Variants in SPINK14 observed in about 807,000 individuals in gnomAD.
SPINK14 encodes the protein serine peptidase inhibitor Kazal type 14 (putative), also known as serine protease inhibitor Kazal-type 14.
SPINK14 carries 6 observed loss-of-function variants against 14.2 expected under a neutral mutation model. That is an observed-to-expected ratio of 0.42 (90% CI 0.23 to 0.83). SPINK14 has a LOEUF of 0.83. Ranked by LOEUF, SPINK14 falls within the 40% of genes least tolerant of loss-of-function variation. The pLI, the probability that SPINK14 is intolerant of heterozygous loss-of-function variation, is 0.28. For synonymous variants in SPINK14, 34 were observed against 36.8 expected (o/e 0.92, Z 0.27); for missense variants, 86 against 108.3 (o/e 0.79, Z 0.91).
chr5:148,174,457 C>G, intron 4 of SPINK14, 87 bp downstream of exon 4: 1 of 788,626 alleles, frequency 1.3e-6, no homozygotes, highest in South Asian at 1.9e-5. Flanking sequence ...AGTACATCAA[C>G]CTTGAAGCCA....
chr5:148,175,502 A>G lies in SPINK14; in HGVS notation c.*104A>G. ...TCTCCTTGCATTTGTTCTTCATGAC[A>G]AAGAGCTATCACTACTGAGCTTGTA... is the stretch of plus-strand genomic sequence containing the variant. On this transcript the variant is annotated 3_prime_UTR_variant, in exon 5 of 5. Coordinates refer to ENST00000356972, the MANE Select transcript of SPINK14 (RefSeq NM_001001325.2). 2 of 877,302 alleles carry G rather than the reference A, an allele frequency of 2.3e-6. No homozygotes were observed. Among genetic ancestry groups the G allele is most frequent in the South Asian group, 3.1e-5 (2 of 64,590 alleles). The allele number at this position is 877,302 out of a possible 1,614,324, so 54.3% of individuals were successfully genotyped here.
At position 148,174,270 on chromosome 5, in the gene SPINK14, T is replaced by C; in HGVS notation, c.148T>C (p.Tyr50His). Residue 50 changes from tyrosine to histidine, a missense_variant, in exon 4 of 5, where the codon TAC becomes CAC. Tyr to His is a moderately conservative substitution (Grantham distance 83, BLOSUM62 2). Coordinates refer to ENST00000356972, the MANE Select transcript of SPINK14 (RefSeq NM_001001325.2). ...CPYEKVNLSW[Y>H]NGTVNPCPGL... is the part of the protein sequence containing the mutation. ...ATATGAGAAAGTAAACTTGAGCTGG[T>C]ACAATGGAACGGTCAACCCCTGCCC... The C allele has an allele frequency of 1.8e-6, 2 of 1,114,514 alleles. 1 individual carries two copies. The highest frequency in any genetic ancestry group is 2.5e-6 in the Non-Finnish European group (2 of 811,108). The allele number at this position is 1,114,514 out of a possible 1,614,324, so 69.0% of individuals were successfully genotyped here.
intron 3 of SPINK14, among the ~76,000 whole-genome samples, chr5:148,171,840 C>G (rs2113281691): frequency 6.6e-6 from 1 of 152,168 alleles, no homozygotes; most frequent in Admixed American, 6.6e-5. Context: ...GGATTTATAC[C>G]CTGGTCTCAT....
At chr5:148,174,864 A>G (rs1755147333) in intron 4 of SPINK14, among the ~76,000 whole-genome samples, 1 of 152,148 alleles carries the variant, frequency 6.6e-6, no homozygotes, top group African/African-American at 2.4e-5. Context: ...TTATAACGCA[A>G]TGCTTTCAGC....
chr5:148,169,742 T>G lies in SPINK14; in HGVS notation c.10T>G (p.Ser4Ala). ...CACACCAGGAGGAAAAATGGCCAAA[T>G]CTTTCCCAGTATTCTCACTTTTGTC... MAKSFPVFSLLSFI... is the reference protein window; with the variant it reads MAKAFPVFSLLSFI... The change falls in exon 2 of 5, where the codon TCT becomes GCT. Residue 4 changes from serine to alanine, a missense_variant. Ser to Ala is a moderately conservative substitution (Grantham distance 99, BLOSUM62 1). Coordinates refer to ENST00000356972, the MANE Select transcript of SPINK14 (RefSeq NM_001001325.2). 1 of 1,605,974 alleles carries G rather than the reference T, an allele frequency of 6.2e-7. No homozygotes were observed. The highest frequency in any genetic ancestry group is 8.5e-7 in the Non-Finnish European group (1 of 1,175,992).
chr5:148,170,761 G>T (rs1317366301), intron 2 of SPINK14, among the ~76,000 whole-genome samples, 169 bp from the exon 3 acceptor site: 1 of 152,010 alleles, frequency 6.6e-6, no homozygotes, highest in Non-Finnish European at 1.5e-5. Flanking sequence ...AGGAGTAAAA[G>T]ATTTATTTCA....
chr5:148,172,560 T>G (rs1235981571), intron 3 of SPINK14, among the ~76,000 whole-genome samples: 1 of 152,204 alleles, frequency 6.6e-6, no homozygotes, highest in Non-Finnish European at 1.5e-5. Context: ...GGGCACATAA[T>G]GACTAGCCTA....
At chr5:148,174,659 C>G (rs1172126789) in intron 4 of SPINK14, among the ~76,000 whole-genome samples, 1 of 27,718 alleles carries the variant, frequency 3.6e-5, no homozygotes, top group African/African-American at 1.9e-4. Flanking sequence ...CTCAAATATC[C>G]CTTCAGGCCC....
At chr5:148,172,711 A>C (rs552271116) in intron 3 of SPINK14, among the ~76,000 whole-genome samples, 8 of 152,308 alleles carry the variant, frequency 5.3e-5, no homozygotes, top group Non-Finnish European at 1.2e-4. Flanking sequence ...ATTTTAATAA[A>C]TAGTTCTCAG....
intron 2 of SPINK14, 122 bp downstream of exon 2, chr5:148,169,921 T>C: frequency 4.1e-6 from 2 of 487,130 alleles, no homozygotes; most frequent in Non-Finnish European, 6.8e-6. Flanking sequence ...TATATGTGTA[T>C]ATATATATAA....
Position 148,171,940 on chromosome 5 carries a change from C to T in SPINK14, c.111+967C>T, listed in dbSNP as rs147756791. 3.3e-4 allele frequency among the ~76,000 whole-genome samples: 50 copies of T among 152,196 alleles called. 1 individual carries two copies. Among genetic ancestry groups the T allele is most frequent in the Non-Finnish European group, 4.3e-4 (29 of 68,006 alleles). ...ATAAATCCATAAACAATAATAAATGCGCTCACTTTTACTTATTTTCTTTAA... is the reference window on the plus strand; with the variant it reads ...ATAAATCCATAAACAATAATAAATGTGCTCACTTTTACTTATTTTCTTTAA... On this transcript the variant is annotated intron_variant, in intron 3 of 4. Transcript: ENST00000356972.
At chr5:148,172,412 T>C (rs1755117548) in intron 3 of SPINK14, among the ~76,000 whole-genome samples, 1 of 152,166 alleles carries the variant, frequency 6.6e-6, no homozygotes, top group Non-Finnish European at 1.5e-5. Flanking sequence ...AAAGAAGCTA[T>C]ATTTATAGAC....
intron 2 of SPINK14, among the ~76,000 whole-genome samples, chr5:148,170,158 G>GTATA (rs758904018): frequency 2.2e-4 from 31 of 141,516 alleles, no homozygotes; most frequent in African/African-American, 8.3e-4. Context: ...CATACTCAGA[G>GTATA]TATATATATA....
At chr5:148,172,119 T>C (rs1165203408) in intron 3 of SPINK14, among the ~76,000 whole-genome samples, 1 of 152,128 alleles carries the variant, frequency 6.6e-6, no homozygotes, top group Non-Finnish European at 1.5e-5. Flanking sequence ...AATAAAATGG[T>C]ATGATAGAGA....
chr5:148,169,652 C>T lies in SPINK14; in HGVS notation c.-72-9C>T. The T allele has an allele frequency of 9.0e-7, 1 of 1,116,534 alleles. No individual in the cohort carries two copies. The highest frequency in any genetic ancestry group is 1.3e-6 in the Non-Finnish European group (1 of 751,884). The allele number at this position is 1,116,534 out of a possible 1,614,324, so 69.2% of individuals were successfully genotyped here. The stretch of plus-strand genomic sequence containing the variant: ...AAGTCATCTTAAATCCTGATTGTCT[C>T]TACTTTAGTGATTGTATTAGAGGGC... On this transcript the variant is annotated splice_polypyrimidine_tract_variant and intron_variant, in intron 1 of 4. Transcript: ENST00000356972.
At chr5:148,174,510 C>A in intron 4 of SPINK14, 140 bp downstream of exon 4, 1 of 473,346 alleles carries the variant, frequency 2.1e-6, no homozygotes, top group Non-Finnish European at 3.5e-6. Flanking sequence ...AGCACCCACT[C>A]AGAAAAGCAC....
At position 148,169,358 on chromosome 5, in the gene SPINK14, A is replaced by C. The variant is rs181994671; in HGVS notation, c.-72-303A>C. Among the ~76,000 whole-genome samples, 29 of 152,246 alleles carry C rather than the reference A, an allele frequency of 1.9e-4. No homozygotes were observed. In the East Asian group the frequency reaches 5.0e-3, roughly 26 times the overall value. The stretch of plus-strand genomic sequence containing the variant: ...TTTTTTTGCATCCCCTCAAAAGATA[A>C]ATTTAGGTGAAGCTTCAGGTAAGGA... On this transcript the variant is annotated intron_variant, in intron 1 of 4. Coordinates refer to ENST00000356972, the MANE Select transcript of SPINK14 (RefSeq NM_001001325.2).
At chr5:148,173,145 G>A (rs1755128873) in intron 3 of SPINK14, among the ~76,000 whole-genome samples, 1 of 151,826 alleles carries the variant, frequency 6.6e-6, no homozygotes, top group African/African-American at 2.4e-5. Context: ...AGAGGGAAGA[G>A]GAATTTCTAA....
At position 148,175,217 on chromosome 5, in the gene SPINK14, A is replaced by T. The variant is rs958199846; in HGVS notation, c.249-136A>T. ...TCCAATAATTTTGTCTTTTGTCATTAGTCAATTCCCTTTACACTCTGGATC... is the reference window on the plus strand; with the variant it reads ...TCCAATAATTTTGTCTTTTGTCATTTGTCAATTCCCTTTACACTCTGGATC... On this transcript the variant is annotated intron_variant, in intron 4 of 4. Coordinates refer to ENST00000356972, the MANE Select transcript of SPINK14 (RefSeq NM_001001325.2). 3 of 568,170 alleles carry T rather than the reference A, an allele frequency of 5.3e-6. No individual in the cohort carries two copies. The African/African-American group carries it at 6.0e-5, about 11-fold the overall frequency. The allele number at this position is 568,170 out of a possible 1,614,324, so 35.2% of individuals were successfully genotyped here. A position where few individuals can be genotyped will look rare whatever the true frequency, so the allele number is the denominator to read the frequency against.
Sources: allele counts gnomAD v4.1 joint callset (sites outside exome capture counted in the v4.1 genomes callset), GRCh38; gene constraint gnomAD v4.1.1; transcripts MANE v1.5; gene names NCBI Gene and HGNC (gene_info 2026-07-23, HGNC 2026-07-21).